LRRC36: variants seen among roughly 807,000 people sequenced by gnomAD.
The protein encoded by LRRC36 is leucine-rich repeat-containing protein 36.
A neutral mutation model predicts 81.1 loss-of-function variants in LRRC36; 62 were observed. The ratio of observed to expected loss-of-function variants is 0.76; its 90% confidence interval spans 0.62 to 0.94. The LOEUF (loss-of-function observed/expected upper bound fraction) is 0.94. Ranked by LOEUF, LRRC36 falls within the 40% of genes least tolerant of loss-of-function variation. The probability of loss-of-function intolerance (pLI) is 0.00; values close to 1 mark genes in which losing one functional copy is unlikely to be tolerated. For synonymous variants in LRRC36, 334 were observed against 348.6 expected (o/e 0.96, Z 0.47); for missense variants, 761 against 881.7 (o/e 0.86, Z 1.73).
intron 1 of LRRC36, among the ~76,000 whole-genome samples, chr16:67,334,181 G>A (rs1295804882): frequency 6.6e-6 from 1 of 151,768 alleles, no homozygotes; most frequent in Non-Finnish European, 1.5e-5. Flanking sequence ...ACAGGTGCCT[G>A]CCACTGTGCC....
chr16:67,327,002 G>C (rs2037208970), intron 1 of LRRC36, 70 bp downstream of exon 1: 55 of 1,397,622 alleles, frequency 3.9e-5, no homozygotes, highest in Non-Finnish European at 4.9e-5. Flanking sequence ...AACTGAAGTG[G>C]AAGGCGGGGA....
At chr16:67,343,493 G>A (rs527828716) in intron 2 of LRRC36, among the ~76,000 whole-genome samples, 4 of 152,060 alleles carry the variant, frequency 2.6e-5, no homozygotes, top group Non-Finnish European at 5.9e-5. Flanking sequence ...TCAGGAGTTC[G>A]AGACCAGCTT....
chr16:67,361,314 G>A (rs997716312), intron 5 of LRRC36, among the ~76,000 whole-genome samples: 1 of 152,144 alleles, frequency 6.6e-6, no homozygotes, highest in East Asian at 1.9e-4. Flanking sequence ...TTACAGACAC[G>A]AGCCACTGTG....
chr16:67,361,170 T>C (rs2039127720), intron 5 of LRRC36, among the ~76,000 whole-genome samples: 1 of 152,104 alleles, frequency 6.6e-6, no homozygotes, highest in Non-Finnish European at 1.5e-5. Flanking sequence ...CCCAAATAGC[T>C]GGGACTCATG....
chr16:67,352,930 T>TC (rs1053032066), intron 5 of LRRC36, among the ~76,000 whole-genome samples: 2 of 151,916 alleles, frequency 1.3e-5, no homozygotes, highest in Non-Finnish European at 2.9e-5. Flanking sequence ...CAAGCAATTT[T>TC]CCCCCCTCAG....
intron 1 of LRRC36, among the ~76,000 whole-genome samples, chr16:67,330,543 A>G (rs559940315): frequency 6.6e-6 from 1 of 152,246 alleles, no homozygotes; most frequent in Non-Finnish European, 1.5e-5. Flanking sequence ...CTTTCTCAGT[A>G]TCATTATAAA....
chr16:67,348,771 T>C (rs191769910), intron 4 of LRRC36, among the ~76,000 whole-genome samples: 74 of 152,344 alleles, frequency 4.9e-4, no homozygotes, highest in African/African-American at 1.7e-3. Context: ...TTGTTGGTCT[T>C]GCTTATTACA....
In LRRC36 at chr16:67,368,618, T is replaced by G. The variant is rs567321091; in HGVS notation, c.1195+1161T>G. On this transcript the variant is annotated intron_variant, in intron 8 of 13. Transcript: ENST00000329956. The stretch of plus-strand genomic sequence containing the variant: ...GAAAGATGCCAGACTTTTTTCTGGG[T>G]GAGATCAGAAGGAGTTGGAGAGTTT... Among the ~76,000 whole-genome samples the G allele has an allele frequency of 1.0e-3, 154 of 152,248 alleles. 3 individuals carry two copies. Among genetic ancestry groups the G allele is most frequent in the African/African-American group, 3.1e-3 (130 of 41,546 alleles).
At chr16:67,376,062 C>A (rs1189730282) in intron 10 of LRRC36, among the ~76,000 whole-genome samples, 2 of 152,160 alleles carry the variant, frequency 1.3e-5, no homozygotes, top group Non-Finnish European at 2.9e-5. Flanking sequence ...GTAATCCCAG[C>A]ACTTTGGGAG....
At chr16:67,352,088 T>C (rs1254382583) in intron 5 of LRRC36, among the ~76,000 whole-genome samples, 3 of 152,254 alleles carry the variant, frequency 2.0e-5, no homozygotes, top group Non-Finnish European at 4.4e-5. Context: ...TATTACTTCA[T>C]TAACACAATT....
intron 9 of LRRC36, among the ~76,000 whole-genome samples, chr16:67,372,365 A>T (rs1053347543): frequency 5.0e-4 from 76 of 152,206 alleles, no homozygotes; most frequent in Non-Finnish European, 8.7e-4. Context: ...TCCAAAAAAA[A>T]AAAAATAAAA....
chr16:67,343,960 G>T (rs1337808070), intron 2 of LRRC36, among the ~76,000 whole-genome samples: 3 of 151,782 alleles, frequency 2.0e-5, no homozygotes, highest in African/African-American at 7.3e-5. Context: ...GAGATTACAG[G>T]CACCCACCAC....
At chr16:67,359,223 G>C (rs1444089866) in intron 5 of LRRC36, among the ~76,000 whole-genome samples, 5 of 152,124 alleles carry the variant, frequency 3.3e-5, no homozygotes, top group Non-Finnish European at 7.3e-5. Context: ...ACTTGTCCAG[G>C]AATGAAAGCA....
intron 8 of LRRC36, among the ~76,000 whole-genome samples, chr16:67,370,630 CAAAAA>C (rs576313559): frequency 3.6e-5 from 3 of 82,658 alleles, no homozygotes; most frequent in African/African-American, 1.0e-4. Context: ...GAGACTCTCT[CAAAAA>C]AAAAAAAAAA....
intron 4 of LRRC36, among the ~76,000 whole-genome samples, chr16:67,348,318 T>C (rs927910527): frequency 2.0e-5 from 3 of 152,172 alleles, no homozygotes; most frequent in Non-Finnish European, 2.9e-5. Context: ...ATAGATAATA[T>C]CAGCATTTTT....
chr16:67,362,242 A>G (rs781004797), intron 5 of LRRC36: 2 of 450,474 alleles, frequency 4.4e-6, no homozygotes, highest in South Asian at 3.1e-5. Context: ...GGCTCACTGC[A>G]ACCTCTACCT....
intron 13 of LRRC36, 144 bp from the exon 14 acceptor site, chr16:67,384,726 A>C (rs890182363): frequency 3.2e-6 from 2 of 624,638 alleles, no homozygotes; most frequent in Non-Finnish European, 5.7e-6. Flanking sequence ...CTGCTTTTAA[A>C]ATAACTCAAT....
intron 6 of LRRC36, among the ~76,000 whole-genome samples, chr16:67,364,180 G>A (rs138399583): frequency 6.6e-6 from 1 of 152,348 alleles, no homozygotes; most frequent in South Asian, 2.1e-4. Flanking sequence ...AAGGGGTAAA[G>A]ATGGCATGGA....
At chr16:67,379,485 C>T (rs1040998965) in intron 12 of LRRC36, among the ~76,000 whole-genome samples, 5 of 151,982 alleles carry the variant, frequency 3.3e-5, no homozygotes, top group Non-Finnish European at 7.4e-5. Context: ...GGGAGGCCAA[C>T]GTGGGCGGAT....
Sources: gnomAD v4.1 joint callset for allele counts (sites outside exome capture counted in the v4.1 genomes callset) on GRCh38, gnomAD v4.1.1 for gene constraint, MANE v1.5 for transcripts, NCBI Gene and HGNC (gene_info 2026-07-23, HGNC 2026-07-21) for gene names.